Variants in KCNK10 observed in about 807,000 individuals in gnomAD.
KCNK10 encodes potassium two pore domain channel subfamily K member 10.
In KCNK10, 25 loss-of-function variants were observed where a neutral mutation model predicts 47.7. The observed-to-expected ratio is 0.52, with a 90% CI of 0.38 to 0.73. The LOEUF (loss-of-function observed/expected upper bound fraction) is 0.73, where lower values mean the gene tolerates loss of function less well. Among genes scored for constraint, KCNK10 ranks in the 30% least tolerant of loss-of-function variants. The probability of loss-of-function intolerance (pLI) is 0.00; values close to 1 mark genes in which losing one functional copy is unlikely to be tolerated. For synonymous variants in KCNK10, 303 were observed against 285.6 expected (o/e 1.06, Z -0.61); for missense variants, 563 against 714.5 (o/e 0.79, Z 2.42).
At position 88,288,771 on chromosome 14, in the gene KCNK10, A is replaced by G. The variant is rs1887820551; in HGVS notation, c.53-25220T>C. On this transcript the variant is annotated intron_variant, in intron 1 of 6. Transcript: ENST00000319231. ...ATTTGTCCAAGTTAGCTCTAGTCTC[A>G]GGGACTGCACGTGTGTTGTTCCCTC... 2.0e-5 allele frequency among the ~76,000 whole-genome samples: 3 copies of G among 152,116 alleles called. No individual in the cohort carries two copies. In the South Asian group the frequency reaches 6.2e-4, roughly 32 times the overall value.
At chr14:88,203,693 C>T (rs1224771954) in intron 4 of KCNK10, among the ~76,000 whole-genome samples, 1 of 152,174 alleles carries the variant, frequency 6.6e-6, no homozygotes, top group African/African-American at 2.4e-5. Flanking sequence ...TCCCTCAGCT[C>T]TAGGACAGCA....
intron 4 of KCNK10, among the ~76,000 whole-genome samples, chr14:88,201,337 C>T (rs1885094944): frequency 6.6e-6 from 1 of 152,184 alleles, no homozygotes; most frequent in African/African-American, 2.4e-5. Context: ...ACTGTTCCTT[C>T]ATTTGATTAG....
rs1393072084 is a variant in KCNK10 at position 88,182,450 on chromosome 14, T to TTCAAACATTC, written c.*3084_*3085insGAATGTTTGA. The TTCAAACATTC allele has an allele frequency of 6.6e-6, 1 of 152,344 alleles. No individual in the cohort carries two copies. The highest frequency in any genetic ancestry group is 1.9e-4 in the East Asian group (1 of 5,334). The allele number at this position is 152,344 out of a possible 1,614,324, so 9.4% of individuals were successfully genotyped here. A position where few individuals can be genotyped will look rare whatever the true frequency, so the allele number is the denominator to read the frequency against. On this transcript the variant is annotated 3_prime_UTR_variant, in exon 7 of 7. Coordinates refer to ENST00000319231, the MANE Select transcript of KCNK10 (RefSeq NM_138317.3). ...CCATCTAAAAAAGGTAACATTCAAG[T>TTCAAACATTC]AACTTCAAACCAACTGGCCTCCTCC...
At position 88,183,330 on chromosome 14, in the gene KCNK10, C is replaced by T. The variant is rs988731201; in HGVS notation, c.*2205G>A. 6.6e-6 allele frequency: 1 copy of T among 152,338 alleles called. No homozygotes were observed. The highest frequency in any genetic ancestry group is 1.5e-5 in the Non-Finnish European group (1 of 68,038). The allele number at this position is 152,338 out of a possible 1,614,324, so 9.4% of individuals were successfully genotyped here. A position where few individuals can be genotyped will look rare whatever the true frequency, so the allele number is the denominator to read the frequency against. ...GGCACTGGATAAATGAGAGGGAAGC[C>T]TCTGCCAGATTTGGCCGTAGGGCCT... is the stretch of plus-strand genomic sequence containing the variant. On this transcript the variant is annotated 3_prime_UTR_variant, in exon 7 of 7. Coordinates refer to ENST00000319231, the MANE Select transcript of KCNK10 (RefSeq NM_138317.3).
chr14:88,293,091 C>T (rs1454232843), intron 1 of KCNK10, among the ~76,000 whole-genome samples: 1 of 152,096 alleles, frequency 6.6e-6, no homozygotes, highest in Non-Finnish European at 1.5e-5. Context: ...CCAGGGTTGG[C>T]CTCACAGGGC....
At chr14:88,324,609 T>C (rs1888624572), upstream of KCNK10, among the ~76,000 whole-genome samples, 2 of 152,160 alleles carry the variant, frequency 1.3e-5, no homozygotes, top group Non-Finnish European at 2.9e-5. Context: ...CTTGCCTTCA[T>C]GGGGCTTACT....
At chr14:88,222,904 T>C (rs1885863420) in intron 4 of KCNK10, among the ~76,000 whole-genome samples, 3 of 152,182 alleles carry the variant, frequency 2.0e-5, no homozygotes, top group Admixed American at 6.5e-5. Context: ...GTGGAGCTGA[T>C]AGCACAAGCC....
chr14:88,259,694 C>A (rs1260771611), intron 2 of KCNK10, among the ~76,000 whole-genome samples: 2 of 152,178 alleles, frequency 1.3e-5, no homozygotes, highest in African/African-American at 4.8e-5. Context: ...TGGGCTCAAG[C>A]AATCCATCCG....
intron 1 of KCNK10, among the ~76,000 whole-genome samples, chr14:88,272,282 G>A (rs1026343204): frequency 1.1e-4 from 16 of 152,204 alleles, no homozygotes; most frequent in African/African-American, 3.9e-4. Flanking sequence ...AAAACTACGT[G>A]TTCTATGCAA....
intron 3 of KCNK10, among the ~76,000 whole-genome samples, chr14:88,239,846 T>C (rs1206736154): frequency 6.7e-6 from 1 of 148,716 alleles, no homozygotes; most frequent in Non-Finnish European, 1.5e-5. Flanking sequence ...GTGATAAGAG[T>C]GAAACTCCAT....
intron 1 of KCNK10, among the ~76,000 whole-genome samples, chr14:88,295,497 T>C (rs1406946986): frequency 4.6e-5 from 7 of 151,996 alleles, no homozygotes. Flanking sequence ...CCATCTCTAC[T>C]AAAAATACAA....
At chr14:88,283,824 G>C (rs563260214) in intron 1 of KCNK10, among the ~76,000 whole-genome samples, 57 of 152,184 alleles carry the variant, frequency 3.7e-4, no homozygotes, top group African/African-American at 1.2e-3. Context: ...TGAGGCAGGA[G>C]AATTGCTTGA....
intron 4 of KCNK10, 55 bp from the exon 5 acceptor site, chr14:88,192,465 G>C (rs1336932857): frequency 6.9e-7 from 1 of 1,454,816 alleles, no homozygotes; most frequent in Non-Finnish European, 9.5e-7. Context: ...CCTGGATTCA[G>C]GATATAGATG....
chr14:88,224,183 C>T (rs1357624459), intron 4 of KCNK10, among the ~76,000 whole-genome samples: 1 of 152,144 alleles, frequency 6.6e-6, no homozygotes, highest in Non-Finnish European at 1.5e-5. Flanking sequence ...TGCAAGAAGG[C>T]CATTTAAAAG....
chr14:88,307,647 T>C (rs920584866), intron 1 of KCNK10, among the ~76,000 whole-genome samples: 24 of 152,226 alleles, frequency 1.6e-4, no homozygotes, highest in African/African-American at 5.8e-4. Context: ...TTTTTAAAAA[T>C]AGATATGGAG....
At chr14:88,270,472 T>C (rs1430651246) in intron 1 of KCNK10, among the ~76,000 whole-genome samples, 2 of 152,210 alleles carry the variant, frequency 1.3e-5, no homozygotes, top group Non-Finnish European at 2.9e-5. Context: ...TAAGTCTGTA[T>C]GCACTAAGAG....
chr14:88,277,846 A>T (rs1422392578), intron 1 of KCNK10, among the ~76,000 whole-genome samples: 2 of 151,672 alleles, frequency 1.3e-5, no homozygotes, highest in East Asian at 3.9e-4. Context: ...ACCTCACTCC[A>T]CTCCCCAAAA....
intron 4 of KCNK10, among the ~76,000 whole-genome samples, chr14:88,193,398 G>A (rs1884812490): frequency 6.6e-6 from 1 of 152,116 alleles, no homozygotes. Flanking sequence ...ATGTGCTGAA[G>A]GCGACACTGG....
intron 4 of KCNK10, among the ~76,000 whole-genome samples, chr14:88,206,827 TG>T: frequency 6.6e-6 from 1 of 152,234 alleles, no homozygotes; most frequent in East Asian, 1.9e-4. Context: ...CAAAGTGCAC[TG>T]TCTCTGAAAT....
Sources: gnomAD v4.1 joint callset for allele counts (sites outside exome capture counted in the v4.1 genomes callset) on GRCh38, gnomAD v4.1.1 for gene constraint, MANE v1.5 for transcripts, NCBI Gene and HGNC (gene_info 2026-07-23, HGNC 2026-07-21) for gene names.